The following TGM3 variants were observed in gnomAD, a reference collection of about 807,000 sequenced individuals.
TGM3 encodes protein-glutamine gamma-glutamyltransferase E.
TGM3 carries 52 observed loss-of-function variants against 73.8 expected under a neutral mutation model. That is an observed-to-expected ratio of 0.70 (90% confidence interval 0.56 to 0.89). The LOEUF (loss-of-function observed/expected upper bound fraction) is 0.89, where lower values mean the gene tolerates loss of function less well. TGM3 is among the 40% of genes least tolerant of loss of function. TGM3 has a pLI of 0.00. For synonymous variants in TGM3, 372 were observed against 354.9 expected (o/e 1.05, Z -0.54); for missense variants, 928 against 909.9 (o/e 1.02, Z -0.26).
chr20:2,308,952 A>C (rs1159180223), intron 1 of TGM3, among the ~76,000 whole-genome samples: 1 of 150,714 alleles, frequency 6.6e-6, no homozygotes, highest in Non-Finnish European at 1.5e-5. Context: ...ACCTTGGCTC[A>C]CTGCAACCTC....
rs1157237514 is a variant in TGM3, at chr20:2,335,274, G to T, written c.1800+1G>T. On this transcript the variant is annotated splice_donor_variant, in intron 11 of 12. Transcript: ENST00000381458. LOFTEE classifies it high-confidence loss of function. Reference sequence around the variant, plus strand: ...GGACAACCCCACCTTGACCCTGGAGGTAATGGGGCTCCCCATCCTGTGGGA... The same window carrying T: ...GGACAACCCCACCTTGACCCTGGAGTTAATGGGGCTCCCCATCCTGTGGGA... 2 of 1,613,922 alleles carry T rather than the reference G, an allele frequency of 1.2e-6. No homozygotes were observed. The highest frequency in any genetic ancestry group is 1.7e-6 in the Non-Finnish European group (2 of 1,179,994).
At chr20:2,318,812 AATGTAACT>A in intron 7 of TGM3, among the ~76,000 whole-genome samples, 1 of 152,248 alleles carries the variant, frequency 6.6e-6, no homozygotes, top group Non-Finnish European at 1.5e-5. Context: ...AAATGTGCTT[AATGTAACT>A]AAGGGTATAA....
In TGM3 at chr20:2,332,057, C is replaced by T. The variant is rs972285178; in HGVS notation, c.1389C>T (p.Asn463=). ...AGGCTTTGGGGAAACTTAAACCCAA[C>T]ACGCCATTTGCCGCGACGTCTTCAA... ...FQKALGKLKP[N]TPFAATSSMG... Residue 463 remains asparagine, a synonymous_variant, in exon 10 of 13, where the codon AAC becomes AAT. Transcript: ENST00000381458. This position sits in a 1 kb window ranked among gnomAD's most constrained non-coding sequence, Gnocchi z 4.4. The T allele has an allele frequency of 1.2e-6, 2 of 1,614,080 alleles. No homozygotes were observed. The highest frequency in any genetic ancestry group is 1.3e-5 in the African/African-American group (1 of 75,054).
intron 11 of TGM3, among the ~76,000 whole-genome samples, chr20:2,336,228 A>G (rs2084350575): frequency 6.6e-6 from 1 of 151,570 alleles, no homozygotes; most frequent in Admixed American, 6.6e-5. Flanking sequence ...TGATCCCCAC[A>G]GCCCAGGGTG....
chr20:2,299,810 A>G (rs927666857), intron 1 of TGM3, among the ~76,000 whole-genome samples: 2 of 152,184 alleles, frequency 1.3e-5, no homozygotes, highest in Non-Finnish European at 2.9e-5. Context: ...CTTTAAAGAA[A>G]ATGCTGGCCG....
At chr20:2,335,021 C>A (rs1291582203) in intron 10 of TGM3, 95 bp from the exon 11 acceptor site, 2 of 1,488,586 alleles carry the variant, frequency 1.3e-6, no homozygotes, top group Middle Eastern at 1.8e-4. Context: ...ATCCTCCCAC[C>A]AGCTCACCCT....
rs776934892 is a variant in TGM3 at position 2,310,384 on chromosome 20, A to G, written c.388A>G (p.Thr130Ala). Residue 130 changes from threonine (T) to alanine (A), a missense_variant, in exon 3 of 13, where the codon ACG becomes GCG. Coordinates refer to ENST00000381458, the MANE Select transcript of TGM3 (RefSeq NM_003245.4). Reference sequence around the variant, plus strand: ...CGGCATCTCCTCTGTGAAACTTGGGACGTTCATACTGCTTTTTAACCCCTG... The same window carrying G: ...CGGCATCTCCTCTGTGAAACTTGGGGCGTTCATACTGCTTTTTAACCCCTG... Reference protein sequence around the residue: ...QGGISSVKLGTFILLFNPWLN... With the variant: ...QGGISSVKLGAFILLFNPWLN... 3.1e-6 allele frequency: 5 copies of G among 1,614,182 alleles called. No homozygotes were observed. The South Asian group carries it at 3.3e-5, about 11-fold the overall frequency.
intron 7 of TGM3, among the ~76,000 whole-genome samples, chr20:2,323,194 C>A (rs1277795584): frequency 1.3e-5 from 2 of 152,160 alleles, no homozygotes; most frequent in African/African-American, 4.8e-5. Flanking sequence ...AATTTGTAGT[C>A]TTTTATCCCT....
chr20:2,327,623 C>CATCT (rs758616641), intron 8 of TGM3, among the ~76,000 whole-genome samples: 5 of 152,272 alleles, frequency 3.3e-5, no homozygotes, highest in South Asian at 4.1e-4. Context: ...AAGTCACTGA[C>CATCT]ATCTATCTAT....
At chr20:2,315,787 C>G (rs183714308) in intron 5 of TGM3, among the ~76,000 whole-genome samples, 3 of 152,328 alleles carry the variant, frequency 2.0e-5, no homozygotes, top group Non-Finnish European at 4.4e-5. Context: ...AGAACTAAGG[C>G]CTAGAGAGGT....
chr20:2,319,147 C>G (rs142758151), intron 7 of TGM3, among the ~76,000 whole-genome samples: 1 of 152,206 alleles, frequency 6.6e-6, no homozygotes, highest in Non-Finnish European at 1.5e-5. Context: ...TTCTTGTGTC[C>G]AAAATCCCAT....
At chr20:2,305,943 C>T (rs2084174540) in intron 1 of TGM3, among the ~76,000 whole-genome samples, 1 of 152,212 alleles carries the variant, frequency 6.6e-6, no homozygotes, top group African/African-American at 2.4e-5. Context: ...AGTATGATCA[C>T]CACCACCACA....
In TGM3 at chr20:2,332,059, C is replaced by A. The variant is rs374109992; in HGVS notation, c.1391C>A (p.Thr464Lys). Reference protein sequence around the residue: ...QKALGKLKPNTPFAATSSMGL... With the variant: ...QKALGKLKPNKPFAATSSMGL... Reference sequence around the variant, plus strand: ...GCTTTGGGGAAACTTAAACCCAACACGCCATTTGCCGCGACGTCTTCAATG... The same window carrying A: ...GCTTTGGGGAAACTTAAACCCAACAAGCCATTTGCCGCGACGTCTTCAATG... The change falls in exon 10 of 13, where the codon ACG becomes AAG. Residue 464 changes from threonine (T) to lysine (K), a missense_variant. Physicochemically the swap from Thr to Lys is moderately conservative, Grantham distance 78 (BLOSUM62 -1). Transcript: ENST00000381458. This position sits in a 1 kb window ranked among gnomAD's most constrained non-coding sequence, Gnocchi z 4.4. 3 of 1,614,066 alleles carry A rather than the reference C, an allele frequency of 1.9e-6. No homozygotes were observed. The highest frequency in any genetic ancestry group is 1.1e-5 in the South Asian group (1 of 91,064).
At chr20:2,319,224 G>A (rs1434052246) in intron 7 of TGM3, among the ~76,000 whole-genome samples, 1 of 152,186 alleles carries the variant, frequency 6.6e-6, no homozygotes, top group Non-Finnish European at 1.5e-5. Flanking sequence ...AAAGGAGATG[G>A]TTGGTGAGAC....
chr20:2,338,320 G>A (rs1335152203), intron 11 of TGM3, among the ~76,000 whole-genome samples: 1 of 151,776 alleles, frequency 6.6e-6, no homozygotes, highest in African/African-American at 2.4e-5. Flanking sequence ...TACAGAGTTG[G>A]GTCAATAGGA....
intron 1 of TGM3, among the ~76,000 whole-genome samples, chr20:2,308,362 A>G (rs2084185595): frequency 6.6e-6 from 1 of 152,242 alleles, no homozygotes. Flanking sequence ...GACAGAGACC[A>G]GTTTGGTTTG....
rs375988138 is a variant in TGM3 at position 2,328,140 on chromosome 20, G to A, written c.1108G>A (p.Ala370Thr). The change falls in exon 9 of 13, where the codon GCT becomes ACT. Residue 370 changes from alanine to threonine, a missense_variant. By Grantham distance (58) the Ala-to-Thr change is moderately conservative (BLOSUM62 0). Coordinates refer to ENST00000381458, the MANE Select transcript of TGM3 (RefSeq NM_003245.4). This position sits in a 1 kb window ranked among gnomAD's most constrained non-coding sequence, Gnocchi z 5.2. ...RSQGVFQCGPASVIGVREGDV... is the reference protein window; with the variant it reads ...RSQGVFQCGPTSVIGVREGDV... ...TCCAGGGGTGTTCCAGTGCGGCCCC[G>A]CTTCGGTCATTGGTGTTCGAGAGGG... The A allele has an allele frequency of 6.8e-6, 11 of 1,614,006 alleles. No homozygotes were observed. The highest frequency in any genetic ancestry group is 1.6e-4 in the Middle Eastern group (1 of 6,084).
chr20:2,312,619 A>AT (rs532645196), intron 4 of TGM3, among the ~76,000 whole-genome samples: 275 of 152,152 alleles, frequency 1.8e-3, no homozygotes, highest in Non-Finnish European at 3.2e-3. Context: ...ATTTTTAATA[A>AT]TTTTTTATTT....
chr20:2,339,972 G>A lies in TGM3; in HGVS notation c.1919G>A (p.Gly640Asp). ...GTGGAGGGAAGCGGCCTGCTGTTGG[G>A]TAACCTGAAGATCGAGTGAGTCCTG... ...LMVEGSGLLL[G>D]NLKIDVPTLG... Residue 640 changes from glycine (G) to aspartate (D), a missense_variant, in exon 12 of 13, where the codon GGT becomes GAT. By Grantham distance (94) the Gly-to-Asp change is moderately conservative (BLOSUM62 -1). Coordinates refer to ENST00000381458, the MANE Select transcript of TGM3 (RefSeq NM_003245.4). 1 of 1,379,502 alleles carries A rather than the reference G, an allele frequency of 7.2e-7. No homozygotes were observed. The highest frequency in any genetic ancestry group is 9.7e-7 in the Non-Finnish European group (1 of 1,034,108). 85.5% of individuals were successfully genotyped at this position (1,379,502 alleles called of 1,614,324 possible). A position where few individuals can be genotyped will look rare whatever the true frequency, so the allele number is the denominator to read the frequency against.
Sources: allele counts gnomAD v4.1 joint callset (sites outside exome capture counted in the v4.1 genomes callset), GRCh38; gene constraint gnomAD v4.1.1; non-coding constraint Gnocchi (gnomAD v3.1); transcripts MANE v1.5; gene names NCBI Gene and HGNC (gene_info 2026-07-23, HGNC 2026-07-21).